Variants in SLC25A38 observed in about 807,000 individuals in gnomAD.
SLC25A38 encodes the protein solute carrier family 25 member 38, also known as mitochondrial glycine transporter.
In SLC25A38, 27 loss-of-function variants were observed where a neutral mutation model predicts 33.4. The observed-to-expected ratio is 0.81, with a 90% confidence interval of 0.60 to 1.11. The LOEUF is 1.11. Among genes scored for constraint, SLC25A38 ranks in the 50% most tolerant of loss-of-function variants. The pLI is 0.00. For synonymous variants in SLC25A38, 123 were observed against 145.9 expected (o/e 0.84, Z 1.13); for missense variants, 344 against 388.8 (o/e 0.88, Z 0.97).
Position 39,383,614 on chromosome 3 carries a change from C to G in SLC25A38, c.-111C>G. On this transcript the variant is annotated 5_prime_UTR_variant, in exon 1 of 7. Coordinates refer to ENST00000650617, the MANE Select transcript of SLC25A38 (RefSeq NM_017875.4). The stretch of plus-strand genomic sequence containing the variant: ...ACGTCAGAGAGCCCGCGGCTTAAAG[C>G]GCGTCGCCTGGCTAGCGCCACCCCC... 7.8e-7 allele frequency: 1 copy of G among 1,281,188 alleles called. No individual in the cohort carries two copies. The highest frequency in any genetic ancestry group is 1.1e-6 in the Non-Finnish European group (1 of 895,456). The allele number at this position is 1,281,188 out of a possible 1,614,324, so 79.4% of individuals were successfully genotyped here. A position where few individuals can be genotyped will look rare whatever the true frequency, so the allele number is the denominator to read the frequency against.
At chr3:39,393,054 G>A (rs571636653) in intron 5 of SLC25A38, among the ~76,000 whole-genome samples, 82 of 152,336 alleles carry the variant, frequency 5.4e-4, no homozygotes, top group African/African-American at 1.8e-3. Context: ...GGAGGCCGAG[G>A]TGGGCAGATC....
rs141975833 is a variant in SLC25A38 at position 39,396,349 on chromosome 3, T to A, written c.793-49T>A. On this transcript the variant is annotated intron_variant, in intron 6 of 6. Coordinates refer to ENST00000650617, the MANE Select transcript of SLC25A38 (RefSeq NM_017875.4). Reference sequence around the variant, plus strand: ...ACTGTGGTACCAAGTGGATAATTAATTGTATTGCTACTTTGCTTCCAGAGT... The same window carrying A: ...ACTGTGGTACCAAGTGGATAATTAAATGTATTGCTACTTTGCTTCCAGAGT... 5.7e-5 allele frequency: 92 copies of A among 1,613,936 alleles called. No individual in the cohort carries two copies. The African/African-American group carries it at 1.1e-3, about 20-fold the overall frequency.
rs2041833410 is a variant in SLC25A38 at position 39,396,577 on chromosome 3, G to T, written c.*57G>T. ...TTGCCCTGCTTGGTTTCTGCCAAGG[G>T]CTGCTGCTTCTTACTATTCTGCAGT... On this transcript the variant is annotated 3_prime_UTR_variant, in exon 7 of 7. Transcript: ENST00000650617. 11 of 1,612,620 alleles carry T rather than the reference G, an allele frequency of 6.8e-6. No homozygotes were observed. The highest frequency in any genetic ancestry group is 9.3e-6 in the Non-Finnish European group (11 of 1,179,714).
At position 39,384,608 on chromosome 3, in the gene SLC25A38, C is replaced by G. The variant is rs2041689012; in HGVS notation, c.69+815C>G. 2.0e-5 allele frequency: 8 copies of G among 398,266 alleles called. No individual in the cohort carries two copies. In the East Asian group the frequency reaches 2.9e-4, roughly 14 times the overall value. 24.7% of individuals were successfully genotyped at this position (398,266 alleles called of 1,614,324 possible). On this transcript the variant is annotated intron_variant, in intron 1 of 6. Coordinates refer to ENST00000650617, the MANE Select transcript of SLC25A38 (RefSeq NM_017875.4). ...TTACCTTTTTCAGGGCTCTCCAGCC[C>G]TCGCCTCCAGATGTGAATTGGACTT...
intron 5 of SLC25A38, among the ~76,000 whole-genome samples, chr3:39,393,683 G>C (rs1032999448): frequency 6.6e-6 from 1 of 152,100 alleles, no homozygotes; most frequent in African/African-American, 2.4e-5. Context: ...ATTTTTAGTA[G>C]AGACAGAGTT....
chr3:39,386,222 C>T lies in SLC25A38; in HGVS notation c.69+2429C>T, dbSNP rs145492375. Among the ~76,000 whole-genome samples the T allele has an allele frequency of 8.7e-3, 1,326 of 152,198 alleles. 5 individuals are homozygous for T. The highest frequency in any genetic ancestry group is 0.013 in the Non-Finnish European group (874 of 68,020). Reference sequence around the variant, plus strand: ...TTTAAGCTAGTAACTTCAAATTTCACAAAACATTATCTTTCATTGAAGGGT... The same window carrying T: ...TTTAAGCTAGTAACTTCAAATTTCATAAAACATTATCTTTCATTGAAGGGT... On this transcript the variant is annotated intron_variant, in intron 1 of 6. Transcript: ENST00000650617.
At chr3:39,385,777 C>T (rs917465476) in intron 1 of SLC25A38, among the ~76,000 whole-genome samples, 2 of 152,218 alleles carry the variant, frequency 1.3e-5, no homozygotes, top group African/African-American at 2.4e-5. Flanking sequence ...GTCTTTGACA[C>T]GCAGTCATAA....
intron 1 of SLC25A38, chr3:39,384,803 C>CT (rs67136154): frequency 0.036 from 12,526 of 347,872 alleles, 4 homozygotes; most frequent in Middle Eastern, 0.056. Context: ...TTTCTTTTTT[C>CT]TTTTTTTTTT....
Position 39,383,709 on chromosome 3 carries a change from G to C in SLC25A38, c.-16G>C. ...ACGGCACCCTGGGCCCAGAGGACTC[G>C]CGGGCCTCATCTCCAATGATTCAGA... On this transcript the variant is annotated 5_prime_UTR_variant, in exon 1 of 7. Coordinates refer to ENST00000650617, the MANE Select transcript of SLC25A38 (RefSeq NM_017875.4). The C allele has an allele frequency of 6.2e-7, 1 of 1,614,002 alleles. No individual in the cohort carries two copies. Among genetic ancestry groups the C allele is most frequent in the Non-Finnish European group, 8.5e-7 (1 of 1,179,906 alleles).
Position 39,389,599 on chromosome 3 carries a change from C to G in SLC25A38, c.174C>G (p.Leu58=). 6.2e-7 allele frequency: 1 copy of G among 1,614,204 alleles called. No individual in the cohort carries two copies. The highest frequency in any genetic ancestry group is 8.5e-7 in the Non-Finnish European group (1 of 1,180,030). Residue 58 remains leucine, a synonymous_variant, in exon 2 of 7, where the codon CTC becomes CTG. Transcript: ENST00000650617. This position sits in a 1 kb window ranked among gnomAD's most constrained non-coding sequence, Gnocchi z 4.5. ...LDLLKTRLQT[L]QPSDHGSRRV... ...TCCTTAAAACACGCCTGCAAACCCTCCAGCCCTCAGATCATGGGTAGGCCC... is the reference window on the plus strand; with the variant it reads ...TCCTTAAAACACGCCTGCAAACCCTGCAGCCCTCAGATCATGGGTAGGCCC...
intron 1 of SLC25A38, among the ~76,000 whole-genome samples, chr3:39,388,101 G>A (rs1488578811): frequency 6.6e-6 from 1 of 152,176 alleles, no homozygotes; most frequent in East Asian, 1.9e-4. Flanking sequence ...CCCAGTGTGT[G>A]AAGAAGGGGG....
Position 39,383,786 on chromosome 3 carries a change from C to T in SLC25A38, c.62C>T (p.Thr21Met). Reference protein sequence around the residue: ...QPQDVGDTVETLMLHPVIKAF... With the variant: ...QPQDVGDTVEMLMLHPVIKAF... ...CAAGATGTCGGAGACACGGTGGAAA[C>T]GCTTATGGTGAGGGCACTGCGGGGA... The change falls in exon 1 of 7, where the codon ACG (threonine) becomes ATG (methionine). Residue 21 changes from threonine (T) to methionine (M), a missense_variant. Thr to Met is a moderately conservative substitution (Grantham distance 81). Transcript: ENST00000650617. 6.2e-7 allele frequency: 1 copy of T among 1,614,154 alleles called. No individual in the cohort carries two copies. The highest frequency in any genetic ancestry group is 1.6e-4 in the Middle Eastern group (1 of 6,062).
At position 39,383,572 on chromosome 3, in the gene SLC25A38, C is replaced by A; in HGVS notation, c.-153C>A. The A allele has an allele frequency of 2.6e-6, 2 of 774,938 alleles. No individual in the cohort carries two copies. Among genetic ancestry groups the A allele is most frequent in the Non-Finnish European group, 4.3e-6 (2 of 464,818 alleles). The allele number at this position is 774,938 out of a possible 1,614,324, so 48.0% of individuals were successfully genotyped here. On this transcript the variant is annotated 5_prime_UTR_variant, in exon 1 of 7. Transcript: ENST00000650617. ...AGCAGGATCCGAACCCCGGCGGCTGCGTGCTTATAGGCGCAGACGTCAGAG... is the reference window on the plus strand; with the variant it reads ...AGCAGGATCCGAACCCCGGCGGCTGAGTGCTTATAGGCGCAGACGTCAGAG...
chr3:39,389,751 T>C lies in SLC25A38; in HGVS notation c.191+135T>C. 1 of 1,422,892 alleles carries C rather than the reference T, an allele frequency of 7.0e-7. No individual in the cohort carries two copies. Among genetic ancestry groups the C allele is most frequent in the Non-Finnish European group, 9.8e-7 (1 of 1,020,380 alleles). The allele number at this position is 1,422,892 out of a possible 1,614,324, so 88.1% of individuals were successfully genotyped here. A position where few individuals can be genotyped will look rare whatever the true frequency, so the allele number is the denominator to read the frequency against. On this transcript the variant is annotated intron_variant, in intron 2 of 6. Transcript: ENST00000650617. This position sits in a 1 kb window ranked among gnomAD's most constrained non-coding sequence, Gnocchi z 4.5. ...CAGGCCATGCCCAACTTTCATATGTTCTCTGAATTGTTTTTATATTTGACA... is the reference window on the plus strand; with the variant it reads ...CAGGCCATGCCCAACTTTCATATGTCCTCTGAATTGTTTTTATATTTGACA...
chr3:39,386,001 C>T (rs1430006475), intron 1 of SLC25A38, among the ~76,000 whole-genome samples: 1 of 152,184 alleles, frequency 6.6e-6, no homozygotes, highest in African/African-American at 2.4e-5. Flanking sequence ...CCCTGTGATA[C>T]ATGAAAGGCC....
chr3:39,391,648 G>C lies in SLC25A38; in HGVS notation c.456+28G>C, dbSNP rs749467256. On this transcript the variant is annotated intron_variant, in intron 4 of 6. Transcript: ENST00000650617. ...GAGTTCAACCACTTTAGGGCCTCAG[G>C]ATAGTTCGGCTTAGCCACTGGGCTC... is the stretch of plus-strand genomic sequence containing the variant. The C allele has an allele frequency of 4.8e-5, 77 of 1,614,028 alleles. 1 individual carries two copies. In the South Asian group the frequency reaches 8.0e-4, roughly 17 times the overall value.
chr3:39,383,828 C>T (rs774006550), intron 1 of SLC25A38, 35 bp downstream of exon 1: 2 of 1,611,404 alleles, frequency 1.2e-6, no homozygotes, highest in African/African-American at 1.3e-5. Flanking sequence ...GGCAGGGGTC[C>T]GAACCGCGGG....
chr3:39,394,160 CAT>C (rs781316153), intron 5 of SLC25A38, among the ~76,000 whole-genome samples: 53 of 152,322 alleles, frequency 3.5e-4, no homozygotes, highest in Admixed American at 4.6e-4. Context: ...CTTTTTCCCA[CAT>C]GTTTTAAAAT....
rs1280905316 is a variant in SLC25A38 at position 39,389,603 on chromosome 3, C to T, written c.178C>T (p.Pro60Ser). The T allele has an allele frequency of 1.9e-6, 3 of 1,614,068 alleles. No individual in the cohort carries two copies. The highest frequency in any genetic ancestry group is 1.1e-5 in the South Asian group (1 of 91,088). The change falls in exon 2 of 7, where the codon CCC becomes TCC. Residue 60 changes from proline to serine, a missense_variant. Pro to Ser is a moderately conservative substitution (Grantham distance 74). Around this residue, in one of 2 missense-constraint regions of SLC25A38, gnomAD observed 269 missense variants for 271.8 expected, o/e 0.99. Coordinates refer to ENST00000650617, the MANE Select transcript of SLC25A38 (RefSeq NM_017875.4). This position sits in a 1 kb window ranked among gnomAD's most constrained non-coding sequence, Gnocchi z 4.5. Reference sequence around the variant, plus strand: ...TAAAACACGCCTGCAAACCCTCCAGCCCTCAGATCATGGGTAGGCCCTGCA... The same window carrying T: ...TAAAACACGCCTGCAAACCCTCCAGTCCTCAGATCATGGGTAGGCCCTGCA... ...LLKTRLQTLQ[P>S]SDHGSRRVGM...
Sources: gnomAD v4.1 joint callset for allele counts (sites outside exome capture counted in the v4.1 genomes callset) on GRCh38, gnomAD v4.1.1 for gene constraint, gnomAD v4.1.1 regional missense constraint, Gnocchi (gnomAD v3.1) non-coding constraint, MANE v1.5 for transcripts, NCBI Gene and HGNC (gene_info 2026-07-23, HGNC 2026-07-21) for gene names.